ARHGEF28: variants seen among roughly 807,000 people sequenced by gnomAD.
The protein encoded by ARHGEF28 is 190 kDa guanine nucleotide exchange factor.
ARHGEF28 carries 152 observed loss-of-function variants against 206.6 expected under a neutral mutation model. The ratio of observed to expected loss-of-function variants is 0.74; its 90% CI spans 0.64 to 0.84. The LOEUF (loss-of-function observed/expected upper bound fraction) is 0.84. ARHGEF28 is among the 40% of genes least tolerant of loss of function. The pLI, the probability that ARHGEF28 is intolerant of heterozygous loss-of-function variation, is 0.00. For synonymous variants in ARHGEF28, 763 were observed against 776.4 expected (o/e 0.98, Z 0.29); for missense variants, 2,028 against 2,073.2 (o/e 0.98, Z 0.42).
At chr5:73,642,116 C>T (rs1033965859) in intron 1 of ARHGEF28, among the ~76,000 whole-genome samples, 3 of 152,264 alleles carry the variant, frequency 2.0e-5, no homozygotes, top group African/African-American at 4.8e-5. Flanking sequence ...CCTGCTTGTC[C>T]GCCTGTGAAA....
chr5:73,872,455 A>G (rs866482624), intron 21 of ARHGEF28, among the ~76,000 whole-genome samples: 2 of 151,966 alleles, frequency 1.3e-5, no homozygotes, highest in South Asian at 4.2e-4. Context: ...CACTTTCTTG[A>G]TGATGTCCTT....
chr5:73,849,959 A>G (rs954046981), intron 13 of ARHGEF28, among the ~76,000 whole-genome samples: 4 of 151,924 alleles, frequency 2.6e-5, no homozygotes, highest in Non-Finnish European at 5.9e-5. Flanking sequence ...GGGACTTAAA[A>G]GATTCAGAAA....
chr5:73,671,694 TTATATATATATATATATATATATA>T (rs1182569252), intron 1 of ARHGEF28, among the ~76,000 whole-genome samples: 2,665 of 75,900 alleles, frequency 0.035, 159 homozygotes, highest in East Asian at 0.2. Flanking sequence ...TTGAACTTGA[TTATATATATATATATATATATATA>T]TATATATATA....
At chr5:73,766,999 T>C (rs1752933360) in intron 4 of ARHGEF28, among the ~76,000 whole-genome samples, 2 of 152,166 alleles carry the variant, frequency 1.3e-5, no homozygotes. Flanking sequence ...GGGTGGGTCT[T>C]TCCTGTACTA....
At chr5:73,779,923 C>T (rs978828266) in intron 6 of ARHGEF28, among the ~76,000 whole-genome samples, 5 of 152,174 alleles carry the variant, frequency 3.3e-5, no homozygotes, top group Non-Finnish European at 5.9e-5. Context: ...ACCCAATCCA[C>T]GGGGCTTAAT....
Position 73,891,717 on chromosome 5 carries a change from G to A in ARHGEF28, c.3388-335G>A, listed in dbSNP as rs867878830. 2.0e-5 allele frequency among the ~76,000 whole-genome samples: 3 copies of A among 151,934 alleles called. No homozygotes were observed. In the South Asian group the frequency reaches 6.2e-4, roughly 32 times the overall value. ...TTTTTGTGTTTTTAGTATAGATGGG[G>A]TTTCACCACATTGGCCAGGCTGGTC... On this transcript the variant is annotated intron_variant, in intron 26 of 35. Coordinates refer to ENST00000513042, the MANE Select transcript of ARHGEF28 (RefSeq NM_001177693.2).
At chr5:73,777,887 T>C (rs1156481695) in intron 6 of ARHGEF28, among the ~76,000 whole-genome samples, 5 of 152,104 alleles carry the variant, frequency 3.3e-5, no homozygotes, top group Non-Finnish European at 7.4e-5. Flanking sequence ...GAGACCATCC[T>C]GGCCAACATG....
chr5:73,940,114 G>A (rs943695032), intron 35 of ARHGEF28, among the ~76,000 whole-genome samples: 2 of 152,122 alleles, frequency 1.3e-5, no homozygotes, highest in Admixed American at 1.3e-4. Context: ...CAGGGAAAAT[G>A]GTTTGCAGCA....
chr5:73,919,215 A>T (rs1313683241), intron 35 of ARHGEF28, among the ~76,000 whole-genome samples: 1 of 152,256 alleles, frequency 6.6e-6, no homozygotes, highest in African/African-American at 2.4e-5. Context: ...CAACAAAGTG[A>T]AAGTGTTTCC....
At chr5:73,717,542 A>G (rs1212680839) in intron 2 of ARHGEF28, among the ~76,000 whole-genome samples, 2 of 152,230 alleles carry the variant, frequency 1.3e-5, no homozygotes, top group Non-Finnish European at 2.9e-5. Flanking sequence ...TTCAGGCAGT[A>G]TAGCCACACC....
chr5:73,881,655 G>T (rs1331143278), intron 22 of ARHGEF28, among the ~76,000 whole-genome samples: 1 of 152,134 alleles, frequency 6.6e-6, no homozygotes, highest in East Asian at 1.9e-4. Flanking sequence ...CTTTTAAGAG[G>T]GTGGGTGTGT....
intron 27 of ARHGEF28, 22 bp downstream of exon 27, chr5:73,892,252 A>G: frequency 6.4e-7 from 1 of 1,550,742 alleles, no homozygotes; most frequent in South Asian, 1.2e-5. Flanking sequence ...TTCCGTCCAT[A>G]ATCTATGGAA....
At chr5:73,876,601 A>G (rs1440361649) in intron 22 of ARHGEF28, among the ~76,000 whole-genome samples, 1 of 148,072 alleles carries the variant, frequency 6.8e-6, no homozygotes, top group African/African-American at 2.5e-5. Context: ...TCCCATCAAT[A>G]CCTAATTTAT....
chr5:73,729,656 G>A (rs143740737), intron 2 of ARHGEF28, among the ~76,000 whole-genome samples: 5 of 152,074 alleles, frequency 3.3e-5, no homozygotes, highest in Non-Finnish European at 7.4e-5. Flanking sequence ...TTTAGTCACC[G>A]ATCACATTTC....
intron 2 of ARHGEF28, among the ~76,000 whole-genome samples, chr5:73,713,869 C>CAG (rs1316752221): frequency 6.6e-6 from 1 of 151,538 alleles, no homozygotes. Context: ...TGATGTTTTT[C>CAG]AGAGAGAGAG....
At chr5:73,939,952 C>T (rs1193565852) in intron 35 of ARHGEF28, among the ~76,000 whole-genome samples, 1 of 151,766 alleles carries the variant, frequency 6.6e-6, no homozygotes, top group Admixed American at 6.6e-5. Flanking sequence ...TTCTTAATGA[C>T]TGAAAAATAA....
At chr5:73,848,121 T>C (rs1758476751) in intron 12 of ARHGEF28, among the ~76,000 whole-genome samples, 1 of 152,212 alleles carries the variant, frequency 6.6e-6, no homozygotes, top group African/African-American at 2.4e-5. Context: ...ATCTTAAAAA[T>C]GCATGGGCAG....
intron 2 of ARHGEF28, among the ~76,000 whole-genome samples, chr5:73,704,744 A>G (rs1338939261): frequency 1.3e-5 from 2 of 152,174 alleles, no homozygotes; most frequent in African/African-American, 4.8e-5. Flanking sequence ...ATTTTTTTAA[A>G]TAAAGGCAGG....
chr5:73,879,801 A>G (rs1203193250), intron 22 of ARHGEF28, among the ~76,000 whole-genome samples: 2 of 152,232 alleles, frequency 1.3e-5, no homozygotes, highest in East Asian at 3.9e-4. Context: ...GTCTCAGAGG[A>G]GTACCTGGCC....
Sources: gnomAD v4.1 joint callset for allele counts (sites outside exome capture counted in the v4.1 genomes callset) on GRCh38, gnomAD v4.1.1 for gene constraint, MANE v1.5 for transcripts, NCBI Gene and HGNC (gene_info 2026-07-23, HGNC 2026-07-21) for gene names.